Variants in HNF4A observed in about 807,000 individuals in gnomAD.
HNF4A encodes hepatocyte nuclear factor 4-alpha.
In HNF4A, 15 loss-of-function variants were observed where a neutral mutation model predicts 52.4. The observed-to-expected ratio is 0.29, with a 90% CI of 0.19 to 0.44. The LOEUF (loss-of-function observed/expected upper bound fraction) is 0.44. Ranked by LOEUF, HNF4A falls within the 20% of genes least tolerant of loss-of-function variation. The pLI is 1.00. For missense variants in HNF4A, 479 were observed against 647.2 expected (o/e 0.74, Z 2.82); for synonymous variants, 280 against 264.4 (o/e 1.06, Z -0.57).
At chr20:44,373,493 T>C (rs1220914372) in intron 1 of HNF4A, among the ~76,000 whole-genome samples, 1 of 151,930 alleles carries the variant, frequency 6.6e-6, no homozygotes, top group African/African-American at 2.4e-5. Context: ...TCTTTTTTAA[T>C]CATCCTTCTC....
At position 44,414,666 on chromosome 20, in the gene HNF4A, A is replaced by G. The variant is rs376287515; in HGVS notation, c.648+4A>G. The G allele has an allele frequency of 7.6e-4, 1,214 of 1,598,424 alleles. 18 individuals carry two copies. In the South Asian group the frequency reaches 0.013, roughly 17 times the overall value. ...CGAGCTCCCCCTGGACGACCAGGTGAGGATGGGCGTGGATGGTGGGCAGTA... is the reference window on the plus strand; with the variant it reads ...CGAGCTCCCCCTGGACGACCAGGTGGGGATGGGCGTGGATGGTGGGCAGTA... On this transcript the variant is annotated splice_donor_region_variant and intron_variant, in intron 5 of 9. Transcript: ENST00000316099.
chr20:44,433,997 A>G (rs2063902232), downstream of HNF4A: 1 of 152,218 alleles, frequency 6.6e-6, no homozygotes, highest in Non-Finnish European at 1.5e-5. Context: ...GTTCCTGGAG[A>G]GCCCGTTGTT....
At chr20:44,380,207 C>G (rs1235336336) in intron 1 of HNF4A, among the ~76,000 whole-genome samples, 1 of 152,216 alleles carries the variant, frequency 6.6e-6, no homozygotes, top group Non-Finnish European at 1.5e-5. Flanking sequence ...TTGCACTTCC[C>G]TAATGATTAG....
At chr20:44,376,701 T>C (rs987837886) in intron 1 of HNF4A, among the ~76,000 whole-genome samples, 2 of 152,200 alleles carry the variant, frequency 1.3e-5, no homozygotes, top group African/African-American at 4.8e-5. Flanking sequence ...GTATTTGGTA[T>C]TTATCTGGTA....
chr20:44,411,113 C>G (rs1454976457), intron 3 of HNF4A, among the ~76,000 whole-genome samples: 1 of 152,114 alleles, frequency 6.6e-6, no homozygotes, highest in Non-Finnish European at 1.5e-5. Flanking sequence ...GACAAATATT[C>G]GGCTCCTGGC....
At chr20:44,419,927 T>C in intron 7 of HNF4A, 51 bp downstream of exon 7, 1 of 1,577,990 alleles carries the variant, frequency 6.3e-7, no homozygotes, top group Non-Finnish European at 8.7e-7. Flanking sequence ...CAGAACGCTC[T>C]GCCAGACTTC....
rs1011276293 is a variant in HNF4A at position 44,383,617 on chromosome 20, T to A, written c.50-22441T>A. Among the ~76,000 whole-genome samples, 21 of 150,106 alleles carry A rather than the reference T, an allele frequency of 1.4e-4. 1 individual carries two copies. The Admixed American group carries it at 1.4e-3, about 10-fold the overall frequency. ...CCCAGGCTGGAGTGCAGTGGTACAA[T>A]CTCAGCTCACTGCAACCTCCGCCTC... On this transcript the variant is annotated intron_variant, in intron 1 of 9. Coordinates refer to the HNF4A transcript ENST00000316673.
In HNF4A at chr20:44,424,081, T is replaced by G; in HGVS notation, c.956T>G (p.Leu319Trp). ...CTGCGTTCCCAGGTGCAGGTGAGCT[T>G]GGAGGACTACATCAACGACCGCCAG... Residue 319 changes from leucine to tryptophan, a missense_variant, in exon 8 of 10, where the codon TTG (leucine) becomes TGG (tryptophan). Leu to Trp is a moderately conservative substitution (Grantham distance 61). Coordinates refer to ENST00000316099, the MANE Select transcript of HNF4A (RefSeq NM_000457.6). The G allele has an allele frequency of 6.2e-7, 1 of 1,613,354 alleles. No homozygotes were observed. Among genetic ancestry groups the G allele is most frequent in the Non-Finnish European group, 8.5e-7 (1 of 1,180,000 alleles).
intron 3 of HNF4A, among the ~76,000 whole-genome samples, chr20:44,413,073 G>A (rs2063609847): frequency 6.6e-6 from 1 of 152,228 alleles, no homozygotes; most frequent in Non-Finnish European, 1.5e-5. Flanking sequence ...GACTGACCCA[G>A]ATGGGAGCAG....
upstream of HNF4A, among the ~76,000 whole-genome samples, chr20:44,398,608 T>C (rs2063374439): frequency 6.6e-6 from 1 of 152,220 alleles, no homozygotes; most frequent in South Asian, 2.1e-4. Flanking sequence ...ATAGATTTAC[T>C]TATGGGGTAG....
At chr20:44,400,565 G>A (rs754514305), upstream of HNF4A, among the ~76,000 whole-genome samples, 16 of 152,122 alleles carry the variant, frequency 1.1e-4, no homozygotes, top group Non-Finnish European at 2.4e-4. Context: ...GGGTGGGGGT[G>A]AGGGAAACAG....
Position 44,429,651 on chromosome 20 carries a change from C to G in HNF4A, c.1411C>G (p.Gln471Glu). 1 of 1,614,124 alleles carries G rather than the reference C, an allele frequency of 6.2e-7. No individual in the cohort carries two copies. Among genetic ancestry groups the G allele is most frequent in the Non-Finnish European group, 8.5e-7 (1 of 1,180,038 alleles). ...CATCCCCCAGCCGACCATCACCAAG[C>G]AGGAAGTTATCTAGCAAGCCGCTGG... is the stretch of plus-strand genomic sequence containing the variant. Residue 471 changes from glutamine (Q) to glutamate (E), a missense_variant, in exon 10 of 10, where the codon CAG (glutamine) becomes GAG (glutamate). Physicochemically the swap from Gln to Glu is conservative, Grantham distance 29. This residue lies in a region of HNF4A where 389 missense variants were observed against 525.1 expected (regional missense o/e 0.74). Transcript: ENST00000316099.
intron 1 of HNF4A, among the ~76,000 whole-genome samples, chr20:44,368,318 T>C (rs1284303774): frequency 6.6e-6 from 1 of 150,628 alleles, no homozygotes; most frequent in Admixed American, 6.7e-5. Flanking sequence ...AGGTTTGCAT[T>C]ACCACACCCA....
At chr20:44,390,499 A>G (rs960905145) in intron 1 of HNF4A, 3 of 618,388 alleles carry the variant, frequency 4.9e-6, no homozygotes, top group African/African-American at 1.8e-5. Context: ...CATCCCTGAA[A>G]TCTCATTGTG....
chr20:44,405,022 ACTGTGTGGTGCGTGTGTGTGCT>A (rs2063477112), intron 1 of HNF4A, among the ~76,000 whole-genome samples: 1 of 122,938 alleles, frequency 8.1e-6, no homozygotes, highest in South Asian at 2.7e-4. Flanking sequence ...GTGTGTGTGG[ACTGTGTGGTGCGTGTGTGTGCT>A]TGTGTGTGGA....
intron 1 of HNF4A, among the ~76,000 whole-genome samples, chr20:44,403,167 C>T (rs1315824940): frequency 6.6e-6 from 1 of 152,156 alleles, no homozygotes; most frequent in Non-Finnish European, 1.5e-5. Context: ...TTTTCCAAGC[C>T]CAGGAACTGT....
At chr20:44,404,975 T>C (rs1480790491) in intron 1 of HNF4A, among the ~76,000 whole-genome samples, 1 of 12,706 alleles carries the variant, frequency 7.9e-5, no homozygotes, top group African/African-American at 3.1e-4. Context: ...TGGACTGTGG[T>C]GTGTAAGGTG....
chr20:44,362,157 C>A (rs77417744), intron 1 of HNF4A, among the ~76,000 whole-genome samples: 24,579 of 151,598 alleles, frequency 0.16, 2,390 homozygotes, highest in Middle Eastern at 0.26. Context: ...GTGGATTACA[C>A]GCCTGTAATC....
rs1568731613 is a variant in HNF4A at position 44,414,569 on chromosome 20, A to G, written c.555A>G (p.Ala185=). 1.1e-5 allele frequency: 18 copies of G among 1,614,094 alleles called. No homozygotes were observed. The African/African-American group carries it at 1.9e-4, about 17-fold the overall frequency. ...GGGCGAAGAAGATTGCCAGCATCGC[A>G]GATGTGTGTGAGTCCATGAAGGAGC... The change falls in exon 5 of 10, where the codon GCA becomes GCG. Residue 185 remains alanine (A), a synonymous_variant. Coordinates refer to ENST00000316099, the MANE Select transcript of HNF4A (RefSeq NM_000457.6).
Sources: gnomAD v4.1 joint callset for allele counts (sites outside exome capture counted in the v4.1 genomes callset) on GRCh38, gnomAD v4.1.1 for gene constraint, gnomAD v4.1.1 regional missense constraint, MANE v1.5 for transcripts, NCBI Gene and HGNC (gene_info 2026-07-23, HGNC 2026-07-21) for gene names.